TBCD: variants seen among roughly 807,000 people sequenced by gnomAD.
TBCD encodes the protein tubulin-specific chaperone D.
In TBCD, 105 loss-of-function variants were observed where a neutral mutation model predicts 169.3. The ratio of observed to expected loss-of-function variants is 0.62; its 90% CI spans 0.53 to 0.73. TBCD has a LOEUF of 0.73. Among genes scored for constraint, TBCD ranks in the 30% least tolerant of loss-of-function variants. The pLI, the probability that TBCD is intolerant of heterozygous loss-of-function variation, is 0.00. For missense variants in TBCD, 1,444 were observed against 1,600.1 expected (o/e 0.90, Z 1.66); for synonymous variants, 700 against 643.9 (o/e 1.09, Z -1.32).
chr17:82,767,143 G>A lies in TBCD; in HGVS notation c.435+775G>A, dbSNP rs115697388. Reference sequence around the variant, plus strand: ...TGGATACCAGCCCAGGGCCGGCCTCGTCAGGGGCCTTGCCTCAGACGGCAG... The same window carrying A: ...TGGATACCAGCCCAGGGCCGGCCTCATCAGGGGCCTTGCCTCAGACGGCAG... On this transcript the variant is annotated intron_variant, in intron 4 of 38. Coordinates refer to ENST00000355528, the MANE Select transcript of TBCD (RefSeq NM_005993.5). Among the ~76,000 whole-genome samples the A allele has an allele frequency of 9.1e-3, 1,380 of 152,308 alleles. 16 individuals are homozygous for A. The highest frequency in any genetic ancestry group is 0.032 in the African/African-American group (1,336 of 41,560).
At chr17:82,901,612 C>T (rs1367935171) in intron 18 of TBCD, among the ~76,000 whole-genome samples, 1 of 148,330 alleles carries the variant, frequency 6.7e-6, no homozygotes, top group Non-Finnish European at 1.5e-5. Context: ...GGCCCAGCTG[C>T]CTACTGTGGT....
At chr17:82,761,250 C>A (rs774388108) in intron 2 of TBCD, among the ~76,000 whole-genome samples, 6 of 152,196 alleles carry the variant, frequency 3.9e-5, no homozygotes, top group Non-Finnish European at 8.8e-5. Flanking sequence ...AGGCGTGAGC[C>A]ACCGTGCCCG....
At chr17:82,848,070 TGGGTGGGCGC>T (rs2055300378) in intron 13 of TBCD, among the ~76,000 whole-genome samples, 1 of 152,038 alleles carries the variant, frequency 6.6e-6, no homozygotes, top group South Asian at 2.1e-4. Context: ...TGTGAGGAGA[TGGGTGGGCGC>T]GGCCCTGTGG....
intron 14 of TBCD, among the ~76,000 whole-genome samples, chr17:82,882,828 C>A (rs886276525): frequency 6.6e-6 from 1 of 152,232 alleles, no homozygotes; most frequent in Non-Finnish European, 1.5e-5. Context: ...GGAGAACAGA[C>A]GGGATGTCAT....
At chr17:82,917,263 T>C (rs1283284782) in intron 23 of TBCD, among the ~76,000 whole-genome samples, 2 of 152,088 alleles carry the variant, frequency 1.3e-5, no homozygotes, top group East Asian at 3.9e-4. Context: ...TGTGATCTGC[T>C]CACCTTGGCC....
chr17:82,776,709 A>G (rs2048621649), intron 6 of TBCD, among the ~76,000 whole-genome samples: 1 of 151,900 alleles, frequency 6.6e-6, no homozygotes, highest in South Asian at 2.1e-4. Flanking sequence ...TCGTGTCAGG[A>G]TTGTTTCGTG....
Position 82,889,627 on chromosome 17 carries a change from C to T in TBCD, c.1534-41C>T, listed in dbSNP as rs755790824. On this transcript the variant is annotated intron_variant, in intron 15 of 38. Transcript: ENST00000355528. The surrounding 1 kb of genome is among the most constrained non-coding windows in gnomAD (Gnocchi z 5.3). ...AACTTGCCTCTGGTGTTGGCGGAAGCTGACCTCGCTCACCTGCTGTGTTTG... is the reference window on the plus strand; with the variant it reads ...AACTTGCCTCTGGTGTTGGCGGAAGTTGACCTCGCTCACCTGCTGTGTTTG... 1.9e-6 allele frequency: 3 copies of T among 1,613,540 alleles called. No homozygotes were observed. Among genetic ancestry groups the T allele is most frequent in the African/African-American group, 2.7e-5 (2 of 75,042 alleles).
intron 7 of TBCD, among the ~76,000 whole-genome samples, chr17:82,784,401 G>T (rs2049158000): frequency 6.6e-6 from 1 of 152,142 alleles, no homozygotes; most frequent in East Asian, 1.9e-4. Flanking sequence ...AATGCCTAAA[G>T]AGGATTCATT....
At chr17:82,801,735 C>T (rs1390209730) in intron 9 of TBCD, among the ~76,000 whole-genome samples, 4 of 127,518 alleles carry the variant, frequency 3.1e-5, no homozygotes, top group East Asian at 2.4e-4. Flanking sequence ...AGGAGGGTGA[C>T]GTGTGCGTGA....
Position 82,884,114 on chromosome 17 carries a change from C to T in TBCD, c.1476-31C>T, listed in dbSNP as rs773432044. 13 of 1,581,554 alleles carry T rather than the reference C, an allele frequency of 8.2e-6. No homozygotes were observed. In the African/African-American group the frequency reaches 1.3e-4, roughly 16 times the overall value. Reference sequence around the variant, plus strand: ...TGGTCTGTACTGTTTTGCAGAATTTCTTTTTAATTAATCCTTTCTCTTTTT... The same window carrying T: ...TGGTCTGTACTGTTTTGCAGAATTTTTTTTTAATTAATCCTTTCTCTTTTT... On this transcript the variant is annotated intron_variant, in intron 14 of 38. Coordinates refer to ENST00000355528, the MANE Select transcript of TBCD (RefSeq NM_005993.5). The surrounding 1 kb of genome is among the most constrained non-coding windows in gnomAD (Gnocchi z 4.2).
At chr17:82,858,805 C>T (rs963356677) in intron 13 of TBCD, 28 of 319,004 alleles carry the variant, frequency 8.8e-5, no homozygotes, top group Admixed American at 1.3e-4. Context: ...CTTAGGATCC[C>T]GCTTGGTGGC....
At chr17:82,926,960 C>T (rs998086851) in intron 28 of TBCD, 14 of 607,750 alleles carry the variant, frequency 2.3e-5, no homozygotes, top group East Asian at 6.0e-5. Flanking sequence ...CCGCAGGGGG[C>T]GTCCCCATCC....
At chr17:82,838,916 G>A (rs2054217875) in intron 13 of TBCD, 1 of 985,280 alleles carries the variant, frequency 1.0e-6, no homozygotes, top group African/African-American at 1.7e-5. Flanking sequence ...CTTTGCTAAT[G>A]CGCAGTGAAA....
intron 5 of TBCD, among the ~76,000 whole-genome samples, 159 bp from the exon 6 acceptor site, chr17:82,772,293 G>T (rs1186187390): frequency 6.6e-6 from 1 of 152,186 alleles, no homozygotes; most frequent in Non-Finnish European, 1.5e-5. Flanking sequence ...AGATTGAAGA[G>T]AGGTTTTTTT....
intron 13 of TBCD, among the ~76,000 whole-genome samples, chr17:82,855,251 T>A (rs1056692905): frequency 7.1e-5 from 9 of 127,600 alleles, no homozygotes; most frequent in African/African-American, 3.1e-4. Flanking sequence ...TTTTTTTTTT[T>A]TTTTTTTTTT....
chr17:82,906,001 G>A lies in TBCD; in HGVS notation c.1870G>A (p.Ala624Thr), dbSNP rs755644968. The A allele has an allele frequency of 1.2e-6, 2 of 1,612,930 alleles. No individual in the cohort carries two copies. The highest frequency in any genetic ancestry group is 1.1e-5 in the South Asian group (1 of 90,700). Residue 624 changes from alanine (A) to threonine (T), a missense_variant, in exon 20 of 39, where the codon GCC becomes ACC. Ala to Thr is a moderately conservative substitution (Grantham distance 58, BLOSUM62 0). Transcript: ENST00000355528. ...DLHMRHGSIL[A>T]CAEVAYALYK... ...TCACATGAGGCATGGGTCGATTCTC[G>A]CCTGCGCAGAAGTTGCTTACGCCTT...
At chr17:82,773,436 A>G (rs2048401990) in intron 6 of TBCD, among the ~76,000 whole-genome samples, 1 of 152,216 alleles carries the variant, frequency 6.6e-6, no homozygotes, top group African/African-American at 2.4e-5. Flanking sequence ...AGGACATAAA[A>G]AGATGATCGT....
intron 6 of TBCD, among the ~76,000 whole-genome samples, chr17:82,774,500 TC>T (rs2048467078): frequency 6.6e-6 from 1 of 152,098 alleles, no homozygotes; most frequent in Non-Finnish European, 1.5e-5. Context: ...TCCCCACATT[TC>T]CCCCTTTTCT....
At chr17:82,885,444 C>T (rs2146276275) in intron 15 of TBCD, among the ~76,000 whole-genome samples, 1 of 152,280 alleles carries the variant, frequency 6.6e-6, no homozygotes, top group South Asian at 2.1e-4. Flanking sequence ...TGCCTCAGGT[C>T]CTTTAAAACT....
Sources: allele counts gnomAD v4.1 joint callset (sites outside exome capture counted in the v4.1 genomes callset), GRCh38; gene constraint gnomAD v4.1.1; non-coding constraint Gnocchi (gnomAD v3.1); transcripts MANE v1.5; gene names NCBI Gene and HGNC (gene_info 2026-07-23, HGNC 2026-07-21).